SLC2A11: variants seen among roughly 807,000 people sequenced by gnomAD.
The protein encoded by SLC2A11 is solute carrier family 2, facilitated glucose transporter member 11.
SLC2A11 carries 43 observed loss-of-function variants against 52.1 expected under a neutral mutation model. That is an observed-to-expected ratio of 0.82 (90% CI 0.65 to 1.06). The LOEUF (loss-of-function observed/expected upper bound fraction) is 1.06. SLC2A11 is among the 50% of genes least tolerant of loss of function. The pLI is 0.00. For synonymous variants in SLC2A11, 261 were observed against 277.6 expected (o/e 0.94, Z 0.59); for missense variants, 582 against 654.2 (o/e 0.89, Z 1.20).
At chr22:23,870,061 A>G (rs60719441) in intron 3 of SLC2A11, 114,736 of 716,132 alleles carry the variant, frequency 0.16, 9,511 homozygotes, top group African/African-American at 0.2. Context: ...TGAATTTTGG[A>G]AGAGACACAA....
At chr22:23,857,071 T>TGGGGGGGGGGGGGG (rs1267660761), upstream of SLC2A11, 2 of 301,398 alleles carry the variant, frequency 6.6e-6, no homozygotes, top group Non-Finnish European at 1.1e-5. Context: ...AGTGTGTGTG[T>TGGGGGGGGGGGGGG]GTGGGGGGGG....
chr22:23,872,110 A>G (rs1281706037), intron 3 of SLC2A11: 2 of 152,198 alleles, frequency 1.3e-5, no homozygotes, highest in African/African-American at 4.8e-5. Context: ...CCAAGGCAAG[A>G]GGATCTCTTG....
rs998124835 is a variant in SLC2A11 at position 23,868,346 on chromosome 22, G to A, written c.130-135G>A. ...GGCGAGTTGGTTCCTGCTCCAGGGG[G>A]AGCTCAGAAGACACGGTGCCTGTTG... On this transcript the variant is annotated intron_variant, in intron 2 of 11. Transcript: ENST00000316185. 10 of 1,059,330 alleles carry A rather than the reference G, an allele frequency of 9.4e-6. No individual in the cohort carries two copies. In the African/African-American group the frequency reaches 1.6e-4, roughly 17 times the overall value. 65.6% of individuals were successfully genotyped at this position (1,059,330 alleles called of 1,614,324 possible).
chr22:23,873,554 C>A (rs966109739), intron 3 of SLC2A11, among the ~76,000 whole-genome samples: 1 of 152,060 alleles, frequency 6.6e-6, no homozygotes, highest in Non-Finnish European at 1.5e-5. Context: ...GTGATCCCCC[C>A]ACCTCAGCCT....
At chr22:23,867,763 C>G in intron 2 of SLC2A11, 1 of 470,282 alleles carries the variant, frequency 2.1e-6, no homozygotes, top group Non-Finnish European at 4.4e-6. Context: ...TTCATGAACA[C>G]ATTGAGGTGC....
chr22:23,863,365 C>T (rs6003930), intron 2 of SLC2A11, among the ~76,000 whole-genome samples: 1 of 152,182 alleles, frequency 6.6e-6, no homozygotes, highest in Admixed American at 6.5e-5. Context: ...CTTTGAATCT[C>T]TGGCCCTTGA....
At chr22:23,877,450 G>A (rs558936544) in intron 5 of SLC2A11, 13 of 763,514 alleles carry the variant, frequency 1.7e-5, no homozygotes, top group Middle Eastern at 2.2e-4. Context: ...AAAGACAAAC[G>A]TGTTCCAGTC....
intron 4 of SLC2A11, 151 bp from the exon 5 acceptor site, chr22:23,876,891 C>G: frequency 8.0e-7 from 1 of 1,253,878 alleles, no homozygotes; most frequent in South Asian, 1.4e-5. Flanking sequence ...AAGCAGAACC[C>G]CTGAGTGTGG....
Position 23,883,887 on chromosome 22 carries a change from A to C in SLC2A11, c.1095+14A>C. 2 of 1,603,164 alleles carry C rather than the reference A, an allele frequency of 1.2e-6. No homozygotes were observed. The highest frequency in any genetic ancestry group is 1.7e-6 in the Non-Finnish European group (2 of 1,176,594). On this transcript the variant is annotated intron_variant, in intron 9 of 11. Coordinates refer to ENST00000316185, the MANE Select transcript of SLC2A11 (RefSeq NM_001024939.4). The stretch of plus-strand genomic sequence containing the variant: ...CTGTGCCTGCAGGTAGCTGGGGTGG[A>C]TGAGGGCTGGGGGGTCCAGGCCGGG...
At chr22:23,861,565 C>G (rs2146104847) in intron 1 of SLC2A11, among the ~76,000 whole-genome samples, 1 of 152,362 alleles carries the variant, frequency 6.6e-6, no homozygotes, top group East Asian at 1.9e-4. Flanking sequence ...CTCTACTACT[C>G]ATATGTCCCC....
intron 2 of SLC2A11, among the ~76,000 whole-genome samples, chr22:23,863,846 G>C (rs1216719914): frequency 1.3e-5 from 2 of 152,036 alleles, no homozygotes; most frequent in South Asian, 2.1e-4. Context: ...GCCCAGGCTG[G>C]TCTCAAACTC....
At position 23,882,657 on chromosome 22, in the gene SLC2A11, T is replaced by C. The variant is rs1412174760; in HGVS notation, c.882+11T>C. 2 of 1,608,694 alleles carry C rather than the reference T, an allele frequency of 1.2e-6. No individual in the cohort carries two copies. Among genetic ancestry groups the C allele is most frequent in the South Asian group, 2.2e-5 (2 of 90,536 alleles). Reference sequence around the variant, plus strand: ...TGCGGGAATGACTCGGTGAGACCCCTGCCCCGCCGCACACCCTGGGCCCCG... The same window carrying C: ...TGCGGGAATGACTCGGTGAGACCCCCGCCCCGCCGCACACCCTGGGCCCCG... On this transcript the variant is annotated intron_variant, in intron 7 of 11. Transcript: ENST00000316185.
At chr22:23,857,394 G>C (rs547550640), upstream of SLC2A11, 1 of 1,571,996 alleles carries the variant, frequency 6.4e-7, no homozygotes, top group African/African-American at 1.3e-5. Flanking sequence ...AGATGACCTT[G>C]GACCAGAGCT....
chr22:23,884,642 T>G lies in SLC2A11; in HGVS notation c.1300-7T>G. 2 of 1,609,310 alleles carry G rather than the reference T, an allele frequency of 1.2e-6. No homozygotes were observed. Among genetic ancestry groups the G allele is most frequent in the East Asian group, 4.5e-5 (2 of 44,840 alleles). Reference sequence around the variant, plus strand: ...CACCAGGTCTTGGGGTCTTTTTTAATCCGCAGGAGGCCTTGTCCCACTTCC... The same window carrying G: ...CACCAGGTCTTGGGGTCTTTTTTAAGCCGCAGGAGGCCTTGTCCCACTTCC... On this transcript the variant is annotated splice_polypyrimidine_tract_variant and splice_region_variant and intron_variant, in intron 11 of 11. Coordinates refer to ENST00000316185, the MANE Select transcript of SLC2A11 (RefSeq NM_001024939.4). The surrounding 1 kb of genome is among the most constrained non-coding windows in gnomAD (Gnocchi z 4.3).
upstream of SLC2A11, chr22:23,856,969 A>T: frequency 6.2e-7 from 1 of 1,611,168 alleles, no homozygotes. Flanking sequence ...CAGGACGCAC[A>T]GATGAGAGCG....
chr22:23,857,444 G>C (rs2031875055), upstream of SLC2A11: 1 of 1,612,924 alleles, frequency 6.2e-7, no homozygotes, highest in East Asian at 2.2e-5. Flanking sequence ...GCTTAGCCGA[G>C]TAAGGAGTGA....
chr22:23,868,368 G>A (rs2032336295), intron 2 of SLC2A11, 113 bp from the exon 3 acceptor site: 3 of 1,333,880 alleles, frequency 2.2e-6, no homozygotes, highest in Admixed American at 3.9e-5. Context: ...CACGGTGCCT[G>A]TTGTCATTGC....
chr22:23,882,127 G>A (rs2032828606), intron 6 of SLC2A11: 1 of 365,312 alleles, frequency 2.7e-6, no homozygotes, highest in Non-Finnish European at 4.8e-6. Flanking sequence ...CAGGCAGAGA[G>A]AGAGAGAAAC....
At chr22:23,879,708 C>G (rs2032736872) in intron 6 of SLC2A11, 1 of 152,254 alleles carries the variant, frequency 6.6e-6, no homozygotes. Context: ...CGTACTACAA[C>G]CCAGAGCTCC....
Sources: allele counts gnomAD v4.1 joint callset (sites outside exome capture counted in the v4.1 genomes callset), GRCh38; gene constraint gnomAD v4.1.1; non-coding constraint Gnocchi (gnomAD v3.1); transcripts MANE v1.5; gene names NCBI Gene and HGNC (gene_info 2026-07-23, HGNC 2026-07-21).